Variants in EPHA6 observed in about 807,000 individuals in gnomAD.
The protein encoded by EPHA6 is ephrin type-A receptor 6.
EPHA6 carries 50 observed loss-of-function variants against 112.0 expected under a neutral mutation model. That is an observed-to-expected ratio of 0.45 (90% CI 0.36 to 0.56). The LOEUF (loss-of-function observed/expected upper bound fraction) is 0.56. EPHA6 is among the 20% of genes least tolerant of loss of function. The pLI is 0.00. For synonymous variants in EPHA6, 529 were observed against 490.7 expected (o/e 1.08, Z -1.03); for missense variants, 1,280 against 1,417.4 (o/e 0.90, Z 1.56).
At chr3:97,305,664 C>A (rs1484844568) in intron 5 of EPHA6, among the ~76,000 whole-genome samples, 1 of 151,858 alleles carries the variant, frequency 6.6e-6, no homozygotes, top group African/African-American at 2.4e-5. Flanking sequence ...GAGAGCTGAA[C>A]AATGAGAACA....
chr3:97,689,254 A>T (rs1389218501), intron 14 of EPHA6, among the ~76,000 whole-genome samples: 1 of 152,218 alleles, frequency 6.6e-6, no homozygotes, highest in Non-Finnish European at 1.5e-5. Context: ...ATTTGTGTTC[A>T]TTCAAACATC....
intron 3 of EPHA6, among the ~76,000 whole-genome samples, chr3:97,031,626 A>G (rs1199658371): frequency 6.6e-6 from 1 of 152,198 alleles, no homozygotes; most frequent in Non-Finnish European, 1.5e-5. Flanking sequence ...CCCATCAAAA[A>G]GTGGGCAAAG....
chr3:97,205,997 G>T (rs546499925), intron 3 of EPHA6, among the ~76,000 whole-genome samples: 6 of 152,042 alleles, frequency 3.9e-5, no homozygotes, highest in African/African-American at 1.2e-4. Flanking sequence ...TGAATGTAAG[G>T]CTTCTGCATT....
At chr3:97,293,888 G>A (rs537464340) in intron 5 of EPHA6, among the ~76,000 whole-genome samples, 5 of 152,292 alleles carry the variant, frequency 3.3e-5, no homozygotes, top group South Asian at 2.1e-4. Context: ...CAGCCTCCCC[G>A]GCCTGCCTCC....
At chr3:97,240,845 AAG>A (rs1472596447) in intron 4 of EPHA6, among the ~76,000 whole-genome samples, 1 of 151,878 alleles carries the variant, frequency 6.6e-6, no homozygotes, top group Non-Finnish European at 1.5e-5. Context: ...AGTCCACCAA[AAG>A]AGTCTTATTT....
At chr3:97,032,924 G>T (rs191902504) in intron 3 of EPHA6, among the ~76,000 whole-genome samples, 2 of 152,008 alleles carry the variant, frequency 1.3e-5, no homozygotes, top group Admixed American at 1.3e-4. Flanking sequence ...CAAAAACTAG[G>T]CAGGGAGTTA....
chr3:97,552,263 C>T (rs1164227919), intron 11 of EPHA6, among the ~76,000 whole-genome samples: 1 of 152,146 alleles, frequency 6.6e-6, no homozygotes, highest in Non-Finnish European at 1.5e-5. Context: ...AATAATGCTA[C>T]TGGTTCTTTG....
intron 11 of EPHA6, among the ~76,000 whole-genome samples, chr3:97,570,771 T>A (rs576009180): frequency 1.3e-5 from 2 of 151,878 alleles, no homozygotes; most frequent in Non-Finnish European, 2.9e-5. Flanking sequence ...TGTTAAACCA[T>A]GACATTACAA....
chr3:96,840,219 T>C (rs905709201), intron 1 of EPHA6, among the ~76,000 whole-genome samples: 2 of 150,044 alleles, frequency 1.3e-5, no homozygotes, highest in African/African-American at 4.9e-5. Flanking sequence ...ACAATAATAG[T>C]GATTTTCTCA....
rs567027505 is a variant in EPHA6 at position 97,617,466 on chromosome 3, A to G, written c.2574+6612A>G. Among the ~76,000 whole-genome samples, 4 of 152,304 alleles carry G rather than the reference A, an allele frequency of 2.6e-5. No individual in the cohort carries two copies. In the South Asian group the frequency reaches 8.3e-4, roughly 32 times the overall value. On this transcript the variant is annotated intron_variant, in intron 13 of 17. Coordinates refer to ENST00000389672, the MANE Select transcript of EPHA6 (RefSeq NM_001080448.3). ...TGTAAATGGGCTAAGTGCCTCAATT[A>G]AAAGATAAAAAAATGGCAAGCTGGA... is the stretch of plus-strand genomic sequence containing the variant.
At chr3:97,556,806 A>G (rs2093116808) in intron 11 of EPHA6, among the ~76,000 whole-genome samples, 1 of 152,076 alleles carries the variant, frequency 6.6e-6, no homozygotes, top group South Asian at 2.1e-4. Context: ...AAAATCCTTT[A>G]AAACAGTGGA....
intron 12 of EPHA6, among the ~76,000 whole-genome samples, chr3:97,598,688 C>G (rs1319647938): frequency 6.6e-6 from 1 of 151,270 alleles, no homozygotes; most frequent in Non-Finnish European, 1.5e-5. Flanking sequence ...GGGTTGGTTC[C>G]GAGTCTTTGC....
chr3:97,174,316 T>G (rs1273028396), intron 3 of EPHA6, among the ~76,000 whole-genome samples: 1 of 151,952 alleles, frequency 6.6e-6, no homozygotes, highest in Non-Finnish European at 1.5e-5. Context: ...ACATTTAGGT[T>G]GCTTCCAAAT....
At chr3:97,533,325 C>A (rs867362890) in intron 11 of EPHA6, among the ~76,000 whole-genome samples, 27 of 152,038 alleles carry the variant, frequency 1.8e-4, no homozygotes, top group African/African-American at 5.1e-4. Flanking sequence ...ATTTTAAAAT[C>A]TTTTAAATAA....
chr3:97,544,993 G>T (rs1005941240), intron 11 of EPHA6, among the ~76,000 whole-genome samples: 12 of 152,076 alleles, frequency 7.9e-5, no homozygotes, highest in African/African-American at 2.7e-4. Flanking sequence ...TATCAATTTT[G>T]TTGATCCTTT....
intron 4 of EPHA6, among the ~76,000 whole-genome samples, chr3:97,235,756 C>G (rs2078659530): frequency 6.6e-6 from 1 of 152,106 alleles, no homozygotes; most frequent in Non-Finnish European, 1.5e-5. Context: ...ATCCAAGGTT[C>G]AGGCTTGGTC....
chr3:97,324,453 C>CTTTCT (rs1321367127), intron 5 of EPHA6, among the ~76,000 whole-genome samples: 1 of 144,088 alleles, frequency 6.9e-6, no homozygotes, highest in African/African-American at 2.6e-5. Flanking sequence ...TTCTTTCTTT[C>CTTTCT]TTTCTTTCTT....
At chr3:97,032,215 C>T (rs143213505) in intron 3 of EPHA6, among the ~76,000 whole-genome samples, 2 of 152,172 alleles carry the variant, frequency 1.3e-5, no homozygotes, top group East Asian at 1.9e-4. Flanking sequence ...CCAAACACCG[C>T]GTGTTCTCAC....
intron 5 of EPHA6, among the ~76,000 whole-genome samples, chr3:97,390,316 C>T (rs2086326360): frequency 6.6e-6 from 1 of 152,026 alleles, no homozygotes; most frequent in African/African-American, 2.4e-5. Context: ...ATACCAGCAT[C>T]TCCCTGAACC....
Sources: allele counts gnomAD v4.1 joint callset (sites outside exome capture counted in the v4.1 genomes callset), GRCh38; gene constraint gnomAD v4.1.1; transcripts MANE v1.5; gene names NCBI Gene and HGNC (gene_info 2026-07-23, HGNC 2026-07-21).